EVI5: variants seen among roughly 807,000 people sequenced by gnomAD.
The protein encoded by EVI5 is ecotropic viral integration site 5 protein homolog.
In EVI5, 73 loss-of-function variants were observed where a neutral mutation model predicts 112.0. The ratio of observed to expected loss-of-function variants is 0.65; its 90% CI spans 0.54 to 0.79. The LOEUF (loss-of-function observed/expected upper bound fraction) is 0.79, where lower values mean the gene tolerates loss of function less well. Ranked by LOEUF, EVI5 falls within the 30% of genes least tolerant of loss-of-function variation. EVI5 has a pLI of 0.00. For synonymous variants in EVI5, 305 were observed against 319.9 expected (o/e 0.95, Z 0.50); for missense variants, 900 against 968.8 (o/e 0.93, Z 0.94).
chr1:92,542,411 C>T (rs752761017), intron 19 of EVI5, among the ~76,000 whole-genome samples: 6 of 152,224 alleles, frequency 3.9e-5, no homozygotes, highest in African/African-American at 2.4e-5. Context: ...TCTGCAGTGA[C>T]TTCCTCCACT....
At chr1:92,738,988 C>G (rs1302071545) in intron 1 of EVI5, among the ~76,000 whole-genome samples, 1 of 151,910 alleles carries the variant, frequency 6.6e-6, no homozygotes, top group Non-Finnish European at 1.5e-5. Context: ...AGTGAACATA[C>G]TGGCCGGGCA....
chr1:92,633,071 G>A (rs1056542589), intron 14 of EVI5, among the ~76,000 whole-genome samples: 2 of 152,160 alleles, frequency 1.3e-5, no homozygotes, highest in South Asian at 2.1e-4. Flanking sequence ...TTTTACATTC[G>A]CTGAGGAGTG....
chr1:92,629,773 G>A (rs2210618), intron 14 of EVI5, among the ~76,000 whole-genome samples: 2 of 148,454 alleles, frequency 1.3e-5, no homozygotes, highest in African/African-American at 2.5e-5. Context: ...CCATTAACTC[G>A]TCATTTAACA....
intron 1 of EVI5, chr1:92,792,296 A>AT (rs940655548): frequency 2.8e-5 from 36 of 1,266,864 alleles, no homozygotes; most frequent in Non-Finnish European, 3.6e-5. Flanking sequence ...CAGCAATTAC[A>AT]TTTTTATAAG....
Position 92,604,147 on chromosome 1 carries a change from C to T in EVI5, c.2070+1160G>A, listed in dbSNP as rs1470857838. 4.6e-5 allele frequency among the ~76,000 whole-genome samples: 7 copies of T among 151,854 alleles called. No homozygotes were observed. The East Asian group carries it at 5.8e-4, about 13-fold the overall frequency. The stretch of plus-strand genomic sequence containing the variant: ...GGCGGATCACTTAAGCCCAGGAGTT[C>T]GAAACCAGCCTGGCCAGCAAAGGGA... On this transcript the variant is annotated intron_variant, in intron 18 of 19. Transcript: ENST00000684568.
chr1:92,648,202 AAAAAAAAAAAAAAAAAC>A (rs869282672), intron 13 of EVI5, among the ~76,000 whole-genome samples: 2,341 of 6,236 alleles, frequency 0.38, 72 homozygotes, highest in African/African-American at 0.47. Flanking sequence ...AAAAAAAAAA[AAAAAAAAAAAAAAAAAC>A]AAAAACCAGC....
At chr1:92,774,190 T>C (rs1190817796) in intron 1 of EVI5, among the ~76,000 whole-genome samples, 1 of 152,228 alleles carries the variant, frequency 6.6e-6, no homozygotes, top group African/African-American at 2.4e-5. Flanking sequence ...CCAAAATTCA[T>C]TTTCAATTTA....
chr1:92,671,202 ATAAAT>A (rs1401646583), intron 10 of EVI5, among the ~76,000 whole-genome samples: 28 of 152,234 alleles, frequency 1.8e-4, no homozygotes, highest in African/African-American at 6.7e-4. Context: ...CGTTTCTAGG[ATAAAT>A]TATAATCATG....
At chr1:92,713,384 T>C (rs1008965971) in intron 2 of EVI5, among the ~76,000 whole-genome samples, 2 of 151,618 alleles carry the variant, frequency 1.3e-5, no homozygotes, top group African/African-American at 4.9e-5. Context: ...ATACTAGATC[T>C]AGATTTTGGT....
Position 92,784,912 on chromosome 1 carries a change from G to A in EVI5, c.-158C>T. The A allele has an allele frequency of 1.0e-6, 1 of 986,340 alleles. No individual in the cohort carries two copies. The highest frequency in any genetic ancestry group is 1.2e-6 in the Non-Finnish European group (1 of 830,740). 61.1% of individuals were successfully genotyped at this position (986,340 alleles called of 1,614,324 possible). On this transcript the variant is annotated 5_prime_UTR_variant, in exon 1 of 20. Transcript: ENST00000684568. ...GGCAGCCGCGCCGCCGCGTCTCAGC[G>A]CCTCGGCCCCGCTCCTGGCTCCACG...
At chr1:92,660,647 T>C (rs1663836596) in intron 13 of EVI5, among the ~76,000 whole-genome samples, 1 of 151,982 alleles carries the variant, frequency 6.6e-6, no homozygotes, top group Non-Finnish European at 1.5e-5. Context: ...ATTTGATGTG[T>C]CAATTAAAAA....
At chr1:92,784,704 C>T (rs530629413) in intron 1 of EVI5, 132 bp downstream of exon 1, 7 of 608,828 alleles carry the variant, frequency 1.1e-5, no homozygotes, top group African/African-American at 1.0e-4. Flanking sequence ...CAGGCGCGCC[C>T]GCCCCGCTCC....
intron 19 of EVI5, among the ~76,000 whole-genome samples, chr1:92,555,266 GA>G (rs1193759990): frequency 2.6e-5 from 4 of 152,136 alleles, no homozygotes; most frequent in Non-Finnish European, 4.4e-5. Context: ...GCCACACTGG[GA>G]AAACTAATAC....
chr1:92,568,781 AATAAT>A (rs1669882089), intron 18 of EVI5, among the ~76,000 whole-genome samples: 2 of 152,334 alleles, frequency 1.3e-5, no homozygotes, highest in South Asian at 2.1e-4. Flanking sequence ...CCATTTAATG[AATAAT>A]ATATTTTCTC....
intron 19 of EVI5, among the ~76,000 whole-genome samples, chr1:92,547,319 T>C (rs2100700838): frequency 6.6e-6 from 1 of 152,280 alleles, no homozygotes; most frequent in African/African-American, 2.4e-5. Flanking sequence ...AGACACAACA[T>C]ACCAGAATCT....
intron 2 of EVI5, among the ~76,000 whole-genome samples, chr1:92,730,919 T>C (rs895159186): frequency 5.3e-5 from 8 of 152,106 alleles, no homozygotes; most frequent in East Asian, 1.9e-4. Flanking sequence ...TCACAGATGA[T>C]AGGCTCATCT....
At chr1:92,611,037 T>C (rs1298960719) in intron 16 of EVI5, among the ~76,000 whole-genome samples, 1 of 151,694 alleles carries the variant, frequency 6.6e-6, no homozygotes, top group African/African-American at 2.4e-5. Context: ...GCATGGCACA[T>C]GTATACATAT....
In EVI5 at chr1:92,791,091, C is replaced by T. The variant is rs114320411; in HGVS notation, c.51+1253G>A. Among the ~76,000 whole-genome samples the T allele has an allele frequency of 5.4e-3, 828 of 152,272 alleles. 5 individuals carry two copies. Among genetic ancestry groups the T allele is most frequent in the South Asian group, 7.9e-3 (38 of 4,822 alleles). Reference sequence around the variant, plus strand: ...TAACACTGTCAGCCCAAAAAACTTTCGAAATTGAGTCACCAGAATGGGACA... The same window carrying T: ...TAACACTGTCAGCCCAAAAAACTTTTGAAATTGAGTCACCAGAATGGGACA... On this transcript the variant is annotated intron_variant, in intron 1 of 17. Transcript: ENST00000370331.
intron 2 of EVI5, among the ~76,000 whole-genome samples, chr1:92,710,886 G>C (rs1441108656): frequency 1.3e-5 from 2 of 152,172 alleles, no homozygotes; most frequent in African/African-American, 2.4e-5. Context: ...GGGTGGGACT[G>C]GGGAATAAGT....
Sources: allele counts gnomAD v4.1 joint callset (sites outside exome capture counted in the v4.1 genomes callset), GRCh38; gene constraint gnomAD v4.1.1; transcripts MANE v1.5; gene names NCBI Gene and HGNC (gene_info 2026-07-23, HGNC 2026-07-21).